NEURL1: variants seen among roughly 807,000 people sequenced by gnomAD.
NEURL1 encodes the protein E3 ubiquitin-protein ligase NEURL1.
A neutral mutation model predicts 41.2 loss-of-function variants in NEURL1; 26 were observed. The observed-to-expected ratio is 0.63, with a 90% CI of 0.46 to 0.87. The LOEUF is 0.87. Among genes scored for constraint, NEURL1 ranks in the 40% least tolerant of loss-of-function variants. NEURL1 has a pLI of 0.00. For missense variants in NEURL1, 761 were observed against 871.1 expected (o/e 0.87, Z 1.59); for synonymous variants, 400 against 402.3 (o/e 0.99, Z 0.07).
intron 1 of NEURL1, among the ~76,000 whole-genome samples, chr10:103,543,189 G>C (rs1175000591): frequency 6.6e-6 from 1 of 152,176 alleles, no homozygotes; most frequent in African/African-American, 2.4e-5. Flanking sequence ...GTGGCTGGGG[G>C]CAGGCAGATG....
intron 1 of NEURL1, among the ~76,000 whole-genome samples, chr10:103,502,243 G>A (rs1163027259): frequency 6.6e-6 from 1 of 152,182 alleles, no homozygotes; most frequent in African/African-American, 2.4e-5. Context: ...CTTTTCCTGG[G>A]CCCTCTGGGA....
chr10:103,535,318 GT>G (rs1341881898), intron 1 of NEURL1, among the ~76,000 whole-genome samples: 1 of 152,142 alleles, frequency 6.6e-6, no homozygotes, highest in Non-Finnish European at 1.5e-5. Flanking sequence ...TACTAGGGTT[GT>G]TTGGCCTGTA....
chr10:103,532,758 A>C (rs1399334229), intron 1 of NEURL1, among the ~76,000 whole-genome samples: 2 of 151,276 alleles, frequency 1.3e-5, no homozygotes, highest in Non-Finnish European at 2.9e-5. Context: ...GACTTTTTAC[A>C]ATTTGACTAT....
At chr10:103,561,244 A>T (rs905561757) in intron 1 of NEURL1, among the ~76,000 whole-genome samples, 3 of 148,326 alleles carry the variant, frequency 2.0e-5, no homozygotes, top group African/African-American at 7.4e-5. Context: ...GTGACATTCC[A>T]TTACTTCCTC....
chr10:103,510,092 C>T (rs1283374064), intron 1 of NEURL1, among the ~76,000 whole-genome samples: 1 of 152,070 alleles, frequency 6.6e-6, no homozygotes, highest in Non-Finnish European at 1.5e-5. Flanking sequence ...CTTCCTGGGG[C>T]CATCAGCAGA....
Position 103,592,301 on chromosome 10 carries a change from AGTGGGTGT to A in NEURL1, c.*1935_*1942del, listed in dbSNP as rs1013250664. The A allele has an allele frequency of 5.9e-5, 9 of 152,578 alleles. No homozygotes were observed. Among genetic ancestry groups the A allele is most frequent in the African/African-American group, 2.2e-4 (9 of 41,412 alleles). 9.5% of individuals were successfully genotyped at this position (152,578 alleles called of 1,614,324 possible). ...GGCTGGGCCTTTGTGCTGGCCTTGC[AGTGGGTGT>A]GTGGGGAAGTCACTGTCCCACTATG... On this transcript the variant is annotated 3_prime_UTR_variant, in exon 6 of 6. Transcript: ENST00000369780. This position sits in a 1 kb window ranked among gnomAD's most constrained non-coding sequence, Gnocchi z 4.8.
intron 3 of NEURL1, among the ~76,000 whole-genome samples, chr10:103,583,463 C>T (rs543783688): frequency 1.3e-5 from 2 of 152,116 alleles, no homozygotes; most frequent in East Asian, 1.9e-4. Context: ...CACTTCTAAT[C>T]GTAGCACTTT....
At chr10:103,506,230 T>C (rs1243971134) in intron 1 of NEURL1, among the ~76,000 whole-genome samples, 2 of 152,202 alleles carry the variant, frequency 1.3e-5, no homozygotes, top group Non-Finnish European at 2.9e-5. Flanking sequence ...TGGTGTCTGC[T>C]GAGAGGCTGA....
At chr10:103,518,408 G>A (rs961727569) in intron 1 of NEURL1, among the ~76,000 whole-genome samples, 16 of 151,608 alleles carry the variant, frequency 1.1e-4, no homozygotes, top group Non-Finnish European at 1.2e-4. Context: ...TTTAGTCAAT[G>A]CCTACTGTGT....
chr10:103,552,836 G>GT (rs113311719), intron 1 of NEURL1, among the ~76,000 whole-genome samples: 8,446 of 152,216 alleles, frequency 0.055, 393 homozygotes, highest in African/African-American at 0.13. Flanking sequence ...ACCGAGTAGG[G>GT]TAAGTGTTAG....
intron 3 of NEURL1, among the ~76,000 whole-genome samples, chr10:103,582,731 T>TGA: frequency 6.6e-6 from 1 of 152,352 alleles, no homozygotes; most frequent in Middle Eastern, 3.4e-3. Flanking sequence ...CCAGCCATCC[T>TGA]TAACCCAGTT....
At chr10:103,509,937 T>C (rs906070305) in intron 1 of NEURL1, among the ~76,000 whole-genome samples, 1 of 152,146 alleles carries the variant, frequency 6.6e-6, no homozygotes, top group Non-Finnish European at 1.5e-5. Flanking sequence ...TGTTTCAGTC[T>C]TGTGGTCAAG....
At chr10:103,579,900 C>T (rs532547572) in intron 3 of NEURL1, among the ~76,000 whole-genome samples, 3 of 152,240 alleles carry the variant, frequency 2.0e-5, no homozygotes, top group South Asian at 2.1e-4. Context: ...GAGCCTAGAT[C>T]GTGCCACTGC....
At chr10:103,560,993 G>C (rs1488024568) in intron 1 of NEURL1, among the ~76,000 whole-genome samples, 1 of 152,226 alleles carries the variant, frequency 6.6e-6, no homozygotes, top group Admixed American at 6.5e-5. Flanking sequence ...TGTTTAGCTA[G>C]GTGCCTCCGG....
At chr10:103,559,865 T>C (rs2035245677) in intron 1 of NEURL1, among the ~76,000 whole-genome samples, 1 of 151,814 alleles carries the variant, frequency 6.6e-6, no homozygotes, top group Admixed American at 6.6e-5. Context: ...CACATGTACA[T>C]GTACACATAC....
At chr10:103,561,930 C>A (rs953242080) in intron 1 of NEURL1, among the ~76,000 whole-genome samples, 1 of 152,200 alleles carries the variant, frequency 6.6e-6, no homozygotes, top group Non-Finnish European at 1.5e-5. Context: ...TTTCTAATTT[C>A]TCCACCGGAC....
rs1328862538 is a variant in NEURL1, at chr10:103,556,328, G to C, written c.86-14544G>C. Reference sequence around the variant, plus strand: ...CTTGTGTGTCTTCCCTGGGCCCTGGGAACTGGGGTCCTTTACAAACCAGCC... The same window carrying C: ...CTTGTGTGTCTTCCCTGGGCCCTGGCAACTGGGGTCCTTTACAAACCAGCC... On this transcript the variant is annotated intron_variant, in intron 1 of 5. Coordinates refer to ENST00000369780, the MANE Select transcript of NEURL1 (RefSeq NM_004210.5). The surrounding 1 kb of genome is among the most constrained non-coding windows in gnomAD (Gnocchi z 4.4). 6.6e-6 allele frequency among the ~76,000 whole-genome samples: 1 copy of C among 152,200 alleles called. No homozygotes were observed. The highest frequency in any genetic ancestry group is 1.5e-5 in the Non-Finnish European group (1 of 68,028).
At chr10:103,544,068 C>T (rs920442325) in intron 1 of NEURL1, among the ~76,000 whole-genome samples, 1 of 152,118 alleles carries the variant, frequency 6.6e-6, no homozygotes, top group African/African-American at 2.4e-5. Flanking sequence ...GGCAGAGATG[C>T]CCGCCTGGCA....
chr10:103,591,533 T>A lies in NEURL1; in HGVS notation c.*1161T>A, dbSNP rs1312063676. 1 of 152,162 alleles carries A rather than the reference T, an allele frequency of 6.6e-6. No homozygotes were observed. Among genetic ancestry groups the A allele is most frequent in the Non-Finnish European group, 1.5e-5 (1 of 68,052 alleles). 9.4% of individuals were successfully genotyped at this position (152,162 alleles called of 1,614,324 possible). A position where few individuals can be genotyped will look rare whatever the true frequency, so the allele number is the denominator to read the frequency against. On this transcript the variant is annotated 3_prime_UTR_variant, in exon 6 of 6. Transcript: ENST00000369780. ...AAGGGTGTGGCTGAGGCAGTCATAA[T>A]GCAGTATCTTCCCCTGACTCCAGCC... is the stretch of plus-strand genomic sequence containing the variant.
Sources: gnomAD v4.1 joint callset for allele counts (sites outside exome capture counted in the v4.1 genomes callset) on GRCh38, gnomAD v4.1.1 for gene constraint, Gnocchi (gnomAD v3.1) non-coding constraint, MANE v1.5 for transcripts, NCBI Gene and HGNC (gene_info 2026-07-23, HGNC 2026-07-21) for gene names.